The following ICE1 variants were observed in gnomAD, a reference collection of about 807,000 sequenced individuals.
ICE1 encodes the protein little elongation complex subunit 1.
ICE1 carries 64 observed loss-of-function variants against 192.7 expected under a neutral mutation model. That is an observed-to-expected ratio of 0.33 (90% CI 0.27 to 0.41). ICE1 has a LOEUF of 0.41. Ranked by LOEUF, ICE1 falls within the 10% of genes least tolerant of loss-of-function variation. The pLI, the probability that ICE1 is intolerant of heterozygous loss-of-function variation, is 1.00. For synonymous variants in ICE1, 1,010 were observed against 984.5 expected (o/e 1.03, Z -0.49); for missense variants, 2,708 against 2,696.0 (o/e 1.00, Z -0.10).
intron 7 of ICE1, among the ~76,000 whole-genome samples, chr5:5,446,710 T>C (rs1170590342): frequency 6.6e-6 from 1 of 152,158 alleles, no homozygotes; most frequent in Non-Finnish European, 1.5e-5. Context: ...TAAAAAAAAT[T>C]TATCGGTGTG....
intron 1 of ICE1, among the ~76,000 whole-genome samples, chr5:5,431,927 A>G (rs948888300): frequency 7.4e-5 from 11 of 147,784 alleles, no homozygotes; most frequent in Non-Finnish European, 9.0e-5. Flanking sequence ...TTGATACCCT[A>G]TTTGTTTTTA....
At chr5:5,433,468 T>A (rs1737783979) in intron 1 of ICE1, among the ~76,000 whole-genome samples, 1 of 152,202 alleles carries the variant, frequency 6.6e-6, no homozygotes, top group South Asian at 2.1e-4. Context: ...GGGTGCTAAA[T>A]CAGTACTCTT....
intron 17 of ICE1, among the ~76,000 whole-genome samples, chr5:5,486,160 T>G (rs1447666198): frequency 1.3e-5 from 2 of 152,202 alleles, no homozygotes; most frequent in African/African-American, 4.8e-5. Flanking sequence ...TAATTGTGAC[T>G]AAGTAAAATT....
intron 17 of ICE1, among the ~76,000 whole-genome samples, chr5:5,479,353 C>G (rs185069775): frequency 2.6e-5 from 4 of 152,308 alleles, no homozygotes; most frequent in Admixed American, 2.6e-4. Context: ...GCTCATCATT[C>G]ACTGGTTATT....
At chr5:5,470,105 C>T (rs1477771344) in intron 15 of ICE1, among the ~76,000 whole-genome samples, 7 of 152,046 alleles carry the variant, frequency 4.6e-5, no homozygotes, top group Non-Finnish European at 7.4e-5. Context: ...TTACCTGCCT[C>T]GAGCATTACC....
chr5:5,427,972 A>G lies in ICE1; in HGVS notation c.84+4973A>G, dbSNP rs1209243158. On this transcript the variant is annotated intron_variant, in intron 1 of 18. Coordinates refer to ENST00000296564, the MANE Select transcript of ICE1 (RefSeq NM_015325.3). ...GTGCCACCTCTCTGAAGGCTTCATA[A>G]AAGTGAATCTAAATTGAGGTCTGAA... Among the ~76,000 whole-genome samples, 4 of 152,338 alleles carry G rather than the reference A, an allele frequency of 2.6e-5. No homozygotes were observed. The East Asian group carries it at 7.7e-4, about 29-fold the overall frequency.
intron 10 of ICE1, 35 bp downstream of exon 10, chr5:5,447,932 T>C (rs1383057557): frequency 2.0e-6 from 3 of 1,489,660 alleles, no homozygotes; most frequent in Non-Finnish European, 9.2e-7. Context: ...TAATGTTGTG[T>C]ATTGCTCTTA....
intron 11 of ICE1, among the ~76,000 whole-genome samples, chr5:5,456,285 T>A (rs758431826): frequency 6.4e-4 from 97 of 152,328 alleles, no homozygotes; most frequent in Non-Finnish European, 1.2e-3. Context: ...TGTGCAAATA[T>A]TCTGTTTCTT....
At chr5:5,484,201 TC>T (rs1252941491) in intron 17 of ICE1, among the ~76,000 whole-genome samples, 1 of 152,210 alleles carries the variant, frequency 6.6e-6, no homozygotes, top group Non-Finnish European at 1.5e-5. Flanking sequence ...TGAGTCTTTT[TC>T]CCCAAATCAT....
In ICE1 at chr5:5,463,876, C is replaced by A; in HGVS notation, c.4542C>A (p.Pro1514=). 2 of 1,613,880 alleles carry A rather than the reference C, an allele frequency of 1.2e-6. No individual in the cohort carries two copies. The highest frequency in any genetic ancestry group is 8.5e-7 in the Non-Finnish European group (1 of 1,179,846). The change falls in exon 13 of 19, where the codon CCC becomes CCA. Residue 1514 remains proline (P), a synonymous_variant. Coordinates refer to ENST00000296564, the MANE Select transcript of ICE1 (RefSeq NM_015325.3). ...ATAAGAGTCGTTTGCGAAATAGACCCGTTAAGCCTAGTATATGGATTAGTT... is the reference window on the plus strand; with the variant it reads ...ATAAGAGTCGTTTGCGAAATAGACCAGTTAAGCCTAGTATATGGATTAGTT... The part of the protein sequence containing the change: ...NFDKSRLRNR[P]VKPSIWISSQ...
At chr5:5,435,264 A>G (rs573137506) in intron 1 of ICE1, among the ~76,000 whole-genome samples, 1 of 152,336 alleles carries the variant, frequency 6.6e-6, no homozygotes, top group South Asian at 2.1e-4. Context: ...TATGCATTTG[A>G]CTTTATTTTA....
chr5:5,429,285 T>C (rs1737627245), intron 1 of ICE1, among the ~76,000 whole-genome samples: 1 of 152,130 alleles, frequency 6.6e-6, no homozygotes, highest in Admixed American at 6.5e-5. Flanking sequence ...GTGTTGAGCA[T>C]AAACCATACA....
chr5:5,431,640 A>G (rs1466563466), intron 1 of ICE1, among the ~76,000 whole-genome samples: 1 of 152,106 alleles, frequency 6.6e-6, no homozygotes, highest in East Asian at 1.9e-4. Flanking sequence ...AAGCCATTCT[A>G]TCCCCGATTC....
At chr5:5,480,610 G>T (rs1195612786) in intron 17 of ICE1, among the ~76,000 whole-genome samples, 1 of 152,084 alleles carries the variant, frequency 6.6e-6, no homozygotes, top group South Asian at 2.1e-4. Context: ...TTTGAGAATC[G>T]GTTATATAAG....
At chr5:5,474,352 G>T (rs980965854) in intron 16 of ICE1, among the ~76,000 whole-genome samples, 2 of 152,194 alleles carry the variant, frequency 1.3e-5, no homozygotes, top group African/African-American at 4.8e-5. Context: ...TGGAGGGGCG[G>T]AGGGTGGCCT....
chr5:5,468,916 G>A lies in ICE1; in HGVS notation c.6150G>A (p.Met2050Ile). ...CTCAATCGGTGATTAATAAAGCAAT[G>A]CAGTTAGTTGCCAGGCAACGTGCTA... ...FLSQSVINKAMQLVARQRAKG... is the reference protein window; with the variant it reads ...FLSQSVINKAIQLVARQRAKG... The change falls in exon 15 of 19, where the codon ATG (methionine) becomes ATA (isoleucine). Residue 2050 changes from methionine to isoleucine, a missense_variant. Met to Ile is a conservative substitution (Grantham distance 10). Around this residue, in one of 2 missense-constraint regions of ICE1, gnomAD observed 342 missense variants for 419.3 expected, o/e 0.82. Coordinates refer to ENST00000296564, the MANE Select transcript of ICE1 (RefSeq NM_015325.3). 1 of 1,607,112 alleles carries A rather than the reference G, an allele frequency of 6.2e-7. No homozygotes were observed. The highest frequency in any genetic ancestry group is 8.5e-7 in the Non-Finnish European group (1 of 1,177,148).
rs1738544981 is a variant in ICE1, at chr5:5,455,049, C to G, written c.691+411C>G. On this transcript the variant is annotated intron_variant, in intron 11 of 18. Transcript: ENST00000296564. ...TCAGAGTATCATGGGGGCATTCTAGCACATTCACAGTTATAGTCGATTTAG... is the reference window on the plus strand; with the variant it reads ...TCAGAGTATCATGGGGGCATTCTAGGACATTCACAGTTATAGTCGATTTAG... 4.6e-5 allele frequency among the ~76,000 whole-genome samples: 7 copies of G among 152,328 alleles called. No homozygotes were observed. The Middle Eastern group carries it at 0.014, about 296-fold the overall frequency.
rs869296400 is a variant in ICE1 at position 5,435,657 on chromosome 5, GT to G, written c.85-746del. On this transcript the variant is annotated intron_variant, in intron 1 of 18. Coordinates refer to ENST00000296564, the MANE Select transcript of ICE1 (RefSeq NM_015325.3). ...AGCGGTAATTTAGAGCCAAATTTGT[GT>G]TTTTTTTTTTTTTTGTTTTGTTTTT... 2.6e-3 allele frequency among the ~76,000 whole-genome samples: 301 copies of G among 114,244 alleles called. 1 individual carries two copies. Among genetic ancestry groups the G allele is most frequent in the African/African-American group, 5.5e-3 (164 of 29,610 alleles). 74.9% of individuals were successfully genotyped at this position (114,244 alleles called of 152,430 possible). A position where few individuals can be genotyped will look rare whatever the true frequency, so the allele number is the denominator to read the frequency against.
At chr5:5,441,626 T>C (rs1738055864) in intron 5 of ICE1, among the ~76,000 whole-genome samples, 1 of 152,202 alleles carries the variant, frequency 6.6e-6, no homozygotes, top group Non-Finnish European at 1.5e-5. Flanking sequence ...GAATTTTATT[T>C]CTTCAGTGGC....
Sources: gnomAD v4.1 joint callset for allele counts (sites outside exome capture counted in the v4.1 genomes callset) on GRCh38, gnomAD v4.1.1 for gene constraint, gnomAD v4.1.1 regional missense constraint, MANE v1.5 for transcripts, NCBI Gene and HGNC (gene_info 2026-07-23, HGNC 2026-07-21) for gene names.